The following CACNB2 variants were observed in gnomAD, a reference collection of about 807,000 sequenced individuals.
CACNB2 encodes the protein voltage-dependent L-type calcium channel subunit beta-2.
A neutral mutation model predicts 73.3 loss-of-function variants in CACNB2; 42 were observed. That is an observed-to-expected ratio of 0.57 (90% CI 0.45 to 0.74). The LOEUF (loss-of-function observed/expected upper bound fraction) is 0.74, where lower values mean the gene tolerates loss of function less well. Ranked by LOEUF, CACNB2 falls within the 30% of genes least tolerant of loss-of-function variation. CACNB2 has a pLI of 0.00. For missense variants in CACNB2, 940 were observed against 853.0 expected (o/e 1.10, Z -1.27); for synonymous variants, 348 against 310.3 (o/e 1.12, Z -1.28).
intron 2 of CACNB2, among the ~76,000 whole-genome samples, chr10:18,190,628 T>C (rs947513469): frequency 2.6e-5 from 4 of 152,174 alleles, no homozygotes; most frequent in Admixed American, 6.5e-5. Context: ...CTCCCAGATA[T>C]TGTACTTTGA....
intron 2 of CACNB2, among the ~76,000 whole-genome samples, chr10:18,243,381 CT>C (rs2036736622): frequency 6.6e-6 from 1 of 152,100 alleles, no homozygotes; most frequent in African/African-American, 2.4e-5. Context: ...TAGGGTCACC[CT>C]GGCTGTTTAC....
chr10:18,519,498 G>A (rs1285176553), intron 9 of CACNB2, among the ~76,000 whole-genome samples: 5 of 152,248 alleles, frequency 3.3e-5, no homozygotes, highest in African/African-American at 1.2e-4. Context: ...CAATGACTAT[G>A]TTCCCAGCAA....
At chr10:18,174,538 G>A (rs2033464940) in intron 2 of CACNB2, among the ~76,000 whole-genome samples, 1 of 151,710 alleles carries the variant, frequency 6.6e-6, no homozygotes, top group Non-Finnish European at 1.5e-5. Flanking sequence ...TGAGTAGCTG[G>A]GATTACAGGT....
chr10:18,401,859 T>G, intron 2 of CACNB2, 65 bp from the exon 3 acceptor site: 3 of 1,558,296 alleles, frequency 1.9e-6, no homozygotes, highest in Non-Finnish European at 2.7e-6. Context: ...GCTGTGTCGA[T>G]GAGACTTTTC....
intron 1 of CACNB2, among the ~76,000 whole-genome samples, chr10:18,142,070 C>A (rs2030472892): frequency 6.6e-6 from 1 of 152,128 alleles, no homozygotes; most frequent in African/African-American, 2.4e-5. Context: ...CAAATGTTTT[C>A]TTGCTGTTGT....
At chr10:18,249,510 G>A (rs190927872) in intron 2 of CACNB2, among the ~76,000 whole-genome samples, 53 of 152,124 alleles carry the variant, frequency 3.5e-4, no homozygotes, top group East Asian at 3.1e-3. Context: ...TGTTCACCTC[G>A]CTCTCTTTAT....
rs556853142 is a variant in CACNB2, at chr10:18,174,416, C to T, written c.213+23441C>T. Among the ~76,000 whole-genome samples, 7 of 141,276 alleles carry T rather than the reference C, an allele frequency of 5.0e-5. No homozygotes were observed. The East Asian group carries it at 1.3e-3, about 26-fold the overall frequency. The allele number at this position is 141,276 out of a possible 152,430, so 92.7% of individuals were successfully genotyped here. On this transcript the variant is annotated intron_variant, in intron 2 of 13. Coordinates refer to ENST00000324631, the MANE Select transcript of CACNB2 (RefSeq NM_201596.3). ...TCTTTCTCTCTTTCTTTCCTTCTTT[C>T]CTTCTTTCTTGAGTTTTGCTCTTGC...
intron 2 of CACNB2, among the ~76,000 whole-genome samples, chr10:18,159,322 A>C (rs569646535): frequency 4.6e-5 from 7 of 152,304 alleles, no homozygotes; most frequent in Admixed American, 6.5e-5. Flanking sequence ...TGCGTTGCAC[A>C]CTTGTGTCCT....
At chr10:18,313,350 A>G (rs1044834780) in intron 2 of CACNB2, among the ~76,000 whole-genome samples, 1 of 150,242 alleles carries the variant, frequency 6.7e-6, no homozygotes. Context: ...GATGGTTAGC[A>G]GCGTCCCTGG....
chr10:18,348,129 T>G (rs1355846719), intron 2 of CACNB2, among the ~76,000 whole-genome samples: 3 of 152,256 alleles, frequency 2.0e-5, no homozygotes, highest in African/African-American at 7.2e-5. Flanking sequence ...ATGTGGCCTC[T>G]GTTGACGAAA....
At chr10:18,414,999 G>T (rs992193261) in intron 3 of CACNB2, among the ~76,000 whole-genome samples, 1 of 152,200 alleles carries the variant, frequency 6.6e-6, no homozygotes, top group Non-Finnish European at 1.5e-5. Flanking sequence ...GAAAAAAGTA[G>T]AATGTATTTA....
intron 2 of CACNB2, among the ~76,000 whole-genome samples, chr10:18,387,144 C>T (rs1339981702): frequency 6.6e-6 from 1 of 152,172 alleles, no homozygotes; most frequent in Admixed American, 6.5e-5. Flanking sequence ...GAAGATCCTC[C>T]ACCCCTTCCC....
rs371899125 is a variant in CACNB2, at chr10:18,457,484, A to G, written c.334-40871A>G. Among the ~76,000 whole-genome samples, 56 of 152,356 alleles carry G rather than the reference A, an allele frequency of 3.7e-4. No homozygotes were observed. In the Middle Eastern group the frequency reaches 0.01, roughly 28 times the overall value. ...ATAGCATAAATTAAGTTCCTCCCACATAGCAATGCCTCCTTTTAAGATGCT... is the reference window on the plus strand; with the variant it reads ...ATAGCATAAATTAAGTTCCTCCCACGTAGCAATGCCTCCTTTTAAGATGCT... On this transcript the variant is annotated intron_variant, in intron 3 of 13. Transcript: ENST00000324631.
rs2133340109 is a variant in CACNB2, at chr10:18,539,846, G to C, written c.*122G>C. ...TATGTGATCTGTCTTGTAATATTTT[G>C]TATTATTGCTGTTGCTTGAATAGCA... On this transcript the variant is annotated 3_prime_UTR_variant, in exon 14 of 14. Transcript: ENST00000324631. The C allele has an allele frequency of 9.6e-7, 1 of 1,045,772 alleles. No individual in the cohort carries two copies. The highest frequency in any genetic ancestry group is 1.4e-6 in the Non-Finnish European group (1 of 723,498). The allele number at this position is 1,045,772 out of a possible 1,614,324, so 64.8% of individuals were successfully genotyped here.
chr10:18,181,197 A>G (rs34295748), intron 2 of CACNB2, among the ~76,000 whole-genome samples: 11,315 of 152,120 alleles, frequency 0.074, 477 homozygotes, highest in South Asian at 0.12. Flanking sequence ...ATCTGAGTAC[A>G]TGCAAGCACT....
Position 18,540,321 on chromosome 10 carries a change from T to C in CACNB2, c.*597T>C, listed in dbSNP as rs2053999437. 1.7e-5 allele frequency: 2 copies of C among 120,582 alleles called. No homozygotes were observed. The highest frequency in any genetic ancestry group is 4.1e-3 in the Middle Eastern group (1 of 246). The allele number at this position is 120,582 out of a possible 1,614,324, so 7.5% of individuals were successfully genotyped here. A position where few individuals can be genotyped will look rare whatever the true frequency, so the allele number is the denominator to read the frequency against. Reference sequence around the variant, plus strand: ...TTATTTCTGCAAACAAACACCTTCTTATTATATATATAATATATATATATA... The same window carrying C: ...TTATTTCTGCAAACAAACACCTTCTCATTATATATATAATATATATATATA... On this transcript the variant is annotated 3_prime_UTR_variant, in exon 14 of 14. Coordinates refer to ENST00000324631, the MANE Select transcript of CACNB2 (RefSeq NM_201596.3).
intron 3 of CACNB2, among the ~76,000 whole-genome samples, chr10:18,452,005 T>G (rs974466458): frequency 6.6e-6 from 1 of 152,214 alleles, no homozygotes; most frequent in Non-Finnish European, 1.5e-5. Context: ...CTGGCTGTAT[T>G]CCCCTTGCAC....
Position 18,453,528 on chromosome 10 carries a change from G to C in CACNB2, c.334-44827G>C, listed in dbSNP as rs575658769. Among the ~76,000 whole-genome samples the C allele has an allele frequency of 4.3e-4, 65 of 152,334 alleles. 1 individual carries two copies. The South Asian group carries it at 0.013, about 31-fold the overall frequency. ...GTCCCAACTCATTGTCTCCTCCTCA[G>C]AGACTTCTTGAGCACTGCCGCTCGT... On this transcript the variant is annotated intron_variant, in intron 3 of 13. Transcript: ENST00000324631.
rs562580798 is a variant in CACNB2, at chr10:18,540,887, G to C, written c.*1163G>C. On this transcript the variant is annotated 3_prime_UTR_variant, in exon 14 of 14. Coordinates refer to ENST00000324631, the MANE Select transcript of CACNB2 (RefSeq NM_201596.3). ...TGTTGCTTTAACAACCCATTGAGCA[G>C]TCAGGGAATGTGAGTAAGCTTGCTG... is the stretch of plus-strand genomic sequence containing the variant. The C allele has an allele frequency of 2.6e-5, 4 of 152,732 alleles. No homozygotes were observed. Among genetic ancestry groups the C allele is most frequent in the African/African-American group, 9.6e-5 (4 of 41,558 alleles). The allele number at this position is 152,732 out of a possible 1,614,324, so 9.5% of individuals were successfully genotyped here. A position where few individuals can be genotyped will look rare whatever the true frequency, so the allele number is the denominator to read the frequency against.
Sources: gnomAD v4.1 joint callset for allele counts (sites outside exome capture counted in the v4.1 genomes callset) on GRCh38, gnomAD v4.1.1 for gene constraint, MANE v1.5 for transcripts, NCBI Gene and HGNC (gene_info 2026-07-23, HGNC 2026-07-21) for gene names.